The following SPOCK1 variants were observed in gnomAD, a reference collection of about 807,000 sequenced individuals.
SPOCK1 encodes SPARC (osteonectin), cwcv and kazal like domains proteoglycan 1.
In SPOCK1, 23 loss-of-function variants were observed where a neutral mutation model predicts 55.3. That is an observed-to-expected ratio of 0.42 (90% confidence interval 0.30 to 0.59). The LOEUF (loss-of-function observed/expected upper bound fraction) is 0.59, where lower values mean the gene tolerates loss of function less well. Among genes scored for constraint, SPOCK1 ranks in the 20% least tolerant of loss-of-function variants. The pLI is 0.22. For missense variants in SPOCK1, 499 were observed against 552.5 expected (o/e 0.90, Z 0.97); for synonymous variants, 226 against 221.0 (o/e 1.02, Z -0.20).
At chr5:137,036,536 A>G (rs182556459) in intron 6 of SPOCK1, among the ~76,000 whole-genome samples, 3 of 152,242 alleles carry the variant, frequency 2.0e-5, no homozygotes, top group Non-Finnish European at 2.9e-5. Flanking sequence ...TGGCATGTCC[A>G]GCACTGAACA....
chr5:137,095,169 T>TA (rs1292145597), intron 5 of SPOCK1, among the ~76,000 whole-genome samples: 2 of 152,064 alleles, frequency 1.3e-5, no homozygotes, highest in African/African-American at 2.4e-5. Flanking sequence ...AATAACAACA[T>TA]AAAAAATCAG....
chr5:137,066,987 C>CACACAGAGAGAG (rs1343691789), intron 6 of SPOCK1, among the ~76,000 whole-genome samples: 10 of 139,588 alleles, frequency 7.2e-5, no homozygotes, highest in South Asian at 7.1e-4. Flanking sequence ...CACACACACA[C>CACACAGAGAGAG]AGAGAGAGAG....
At chr5:137,259,946 T>C (rs1335149325) in intron 3 of SPOCK1, among the ~76,000 whole-genome samples, 1 of 152,208 alleles carries the variant, frequency 6.6e-6, no homozygotes, top group African/African-American at 2.4e-5. Context: ...AATATATTCA[T>C]AACTCATTAG....
chr5:137,156,410 A>C (rs1754418059), intron 3 of SPOCK1, among the ~76,000 whole-genome samples: 1 of 152,158 alleles, frequency 6.6e-6, no homozygotes, highest in South Asian at 2.1e-4. Flanking sequence ...TCCTCATGAG[A>C]ACACATCGCC....
intron 2 of SPOCK1, among the ~76,000 whole-genome samples, chr5:137,441,162 C>CA (rs1561536588): frequency 6.6e-6 from 1 of 152,214 alleles, no homozygotes; most frequent in Non-Finnish European, 1.5e-5. Flanking sequence ...AACTCACCAA[C>CA]AGCCACTGGA....
chr5:137,082,460 T>C (rs1163284284), intron 5 of SPOCK1, among the ~76,000 whole-genome samples: 1 of 151,972 alleles, frequency 6.6e-6, no homozygotes, highest in Non-Finnish European at 1.5e-5. Flanking sequence ...GCAGGTGGCA[T>C]GGGTGCAGTC....
chr5:137,073,403 T>C (rs1752653670), intron 5 of SPOCK1, among the ~76,000 whole-genome samples: 1 of 135,554 alleles, frequency 7.4e-6, no homozygotes, highest in Admixed American at 7.4e-5. Flanking sequence ...GGAAGGAGGG[T>C]CAAGGAAAAA....
At chr5:137,098,395 C>A (rs1753194747) in intron 5 of SPOCK1, among the ~76,000 whole-genome samples, 1 of 152,192 alleles carries the variant, frequency 6.6e-6, no homozygotes, top group South Asian at 2.1e-4. Flanking sequence ...TTCCTCAGAA[C>A]CAGGCAGCAA....
chr5:137,332,519 C>T (rs1758205512), intron 2 of SPOCK1, among the ~76,000 whole-genome samples: 1 of 152,184 alleles, frequency 6.6e-6, no homozygotes, highest in South Asian at 2.1e-4. Flanking sequence ...CTTATCTCAA[C>T]AGGCCCTGTA....
intron 7 of SPOCK1, among the ~76,000 whole-genome samples, chr5:136,991,883 C>T (rs1437991968): frequency 3.9e-5 from 6 of 152,104 alleles, no homozygotes; most frequent in Non-Finnish European, 8.8e-5. Flanking sequence ...GCGGGAGGCT[C>T]CTTGAGCAAT....
intron 2 of SPOCK1, among the ~76,000 whole-genome samples, chr5:137,389,137 T>A (rs143239255): frequency 1.8e-3 from 271 of 152,306 alleles, no homozygotes; most frequent in African/African-American, 6.0e-3. Context: ...GACACATAAG[T>A]TCCAAGTATA....
chr5:137,304,831 T>A (rs1029076999), intron 2 of SPOCK1, among the ~76,000 whole-genome samples: 10 of 152,186 alleles, frequency 6.6e-5, no homozygotes, highest in African/African-American at 2.4e-4. Context: ...GTGTCTCAGC[T>A]TCCTCTTCTG....
At chr5:137,209,303 C>T (rs1359421378) in intron 3 of SPOCK1, among the ~76,000 whole-genome samples, 1 of 152,158 alleles carries the variant, frequency 6.6e-6, no homozygotes, top group African/African-American at 2.4e-5. Context: ...TAATTCGAAG[C>T]TATTAAGGCT....
chr5:137,271,030 A>T (rs1756951146), intron 2 of SPOCK1, among the ~76,000 whole-genome samples: 1 of 150,994 alleles, frequency 6.6e-6, no homozygotes. Flanking sequence ...TTAATTAATT[A>T]ATTTTTAAAA....
At chr5:137,178,039 G>T (rs562499394) in intron 3 of SPOCK1, among the ~76,000 whole-genome samples, 3 of 152,298 alleles carry the variant, frequency 2.0e-5, no homozygotes, top group Admixed American at 2.0e-4. Context: ...CCAAAGCCCT[G>T]GCAGGTGAGC....
At chr5:137,152,833 G>A (rs1365419473) in intron 3 of SPOCK1, among the ~76,000 whole-genome samples, 40 of 152,114 alleles carry the variant, frequency 2.6e-4, no homozygotes, top group African/African-American at 9.2e-4. Context: ...CATCTGAGGT[G>A]CTTTCATGTC....
intron 7 of SPOCK1, 88 bp downstream of exon 7, chr5:136,992,396 A>C: frequency 1.0e-6 from 1 of 968,158 alleles, no homozygotes; most frequent in Non-Finnish European, 1.5e-6. Flanking sequence ...ATTTAATGTA[A>C]TGGGTGTTTT....
At chr5:137,118,012 T>C (rs564006768) in intron 4 of SPOCK1, among the ~76,000 whole-genome samples, 9 of 152,346 alleles carry the variant, frequency 5.9e-5, no homozygotes, top group African/African-American at 2.2e-4. Flanking sequence ...TAGTAGTATT[T>C]ATAAAGACAT....
intron 5 of SPOCK1, among the ~76,000 whole-genome samples, chr5:137,083,835 C>T (rs1159271026): frequency 6.6e-6 from 1 of 151,930 alleles, no homozygotes. Flanking sequence ...TCCTGTCCCT[C>T]CAGTGTGACA....
Sources: allele counts gnomAD v4.1 joint callset (sites outside exome capture counted in the v4.1 genomes callset), GRCh38; gene constraint gnomAD v4.1.1; transcripts MANE v1.5; gene names NCBI Gene and HGNC (gene_info 2026-07-23, HGNC 2026-07-21).